Variants in FBXW8 observed in about 807,000 individuals in gnomAD.
FBXW8 encodes F-box and WD repeat domain containing 8.
In FBXW8, 57 loss-of-function variants were observed where a neutral mutation model predicts 65.3. The observed-to-expected ratio is 0.87, with a 90% CI of 0.71 to 1.09. The LOEUF (loss-of-function observed/expected upper bound fraction) is 1.09, where lower values mean the gene tolerates loss of function less well. Among genes scored for constraint, FBXW8 ranks in the 50% least tolerant of loss-of-function variants. FBXW8 has a pLI of 0.00. For synonymous variants in FBXW8, 308 were observed against 330.2 expected, an observed-to-expected ratio of 0.93 and a Z score of 0.73; for missense variants, 777 against 814.8, an observed-to-expected ratio of 0.95 and a Z score of 0.57.
chr12:116,995,254 TGAG>T (rs1230793804), intron 7 of FBXW8, among the ~76,000 whole-genome samples: 1 of 152,198 alleles, frequency 6.6e-6, no homozygotes, highest in Non-Finnish European at 1.5e-5. Context: ...GGGACCCATT[TGAG>T]GAAGAGCCCA....
At position 116,964,819 on chromosome 12, in the gene FBXW8, TA is replaced by T. The variant is rs770512533; in HGVS notation, c.803del (p.Asn268ThrfsTer6). The T allele has an allele frequency of 6.2e-7, 1 of 1,612,360 alleles. No homozygotes were observed. The highest frequency in any genetic ancestry group is 1.1e-5 in the South Asian group (1 of 90,944). Reference protein sequence around the residue: ...GMQPNVSFVRINSSLAVAAYE... With the variant: ...GMQPNVSFVRXNSSLAVAAYE... ...CAGCCAAATGTCTCCTTTGTGAGGA[TA>T]AACAGCTCGTTGGCAGTAGCAGCTT... On this transcript the variant is annotated frameshift_variant, in exon 5 of 11. Transcript: ENST00000652555. LOFTEE classifies it high-confidence loss of function.
chr12:117,026,177 T>C (rs887714629), intron 9 of FBXW8, among the ~76,000 whole-genome samples: 1 of 152,240 alleles, frequency 6.6e-6, no homozygotes, highest in African/African-American at 2.4e-5. Context: ...CCTGACAGGG[T>C]GCCGTCAGTC....
At chr12:116,996,265 G>A (rs1411541438) in intron 7 of FBXW8, among the ~76,000 whole-genome samples, 2 of 152,214 alleles carry the variant, frequency 1.3e-5, no homozygotes, top group African/African-American at 2.4e-5. Context: ...CTTGCTTGGC[G>A]CTGCTGCCTC....
Position 116,964,333 on chromosome 12 carries a change from G to A in FBXW8, c.678-364G>A, listed in dbSNP as rs541917607. On this transcript the variant is annotated intron_variant, in intron 4 of 10. Coordinates refer to ENST00000652555, the MANE Select transcript of FBXW8 (RefSeq NM_153348.3). ...CCTGTGAGTGAGTGTGTGCGTTTGT[G>A]GGTAAATAGTGGGGCTTATACAAAT... Among the ~76,000 whole-genome samples the A allele has an allele frequency of 7.9e-5, 12 of 152,352 alleles. No individual in the cohort carries two copies. The East Asian group carries it at 1.5e-3, about 20-fold the overall frequency.
At chr12:116,955,707 C>G (rs1422522324) in intron 4 of FBXW8, among the ~76,000 whole-genome samples, 1 of 152,168 alleles carries the variant, frequency 6.6e-6, no homozygotes, top group Non-Finnish European at 1.5e-5. Context: ...ATGGAAACAT[C>G]CCTGTTCTGT....
At chr12:116,958,349 T>A (rs1883782282) in intron 4 of FBXW8, among the ~76,000 whole-genome samples, 1 of 152,236 alleles carries the variant, frequency 6.6e-6, no homozygotes, top group African/African-American at 2.4e-5. Flanking sequence ...AGCAAAGAAA[T>A]ACCAAAGAAG....
At chr12:116,998,266 G>T (rs1953429507) in intron 7 of FBXW8, among the ~76,000 whole-genome samples, 1 of 152,196 alleles carries the variant, frequency 6.6e-6, no homozygotes, top group Non-Finnish European at 1.5e-5. Flanking sequence ...GAGAGGGCTG[G>T]CACCAAGTCT....
At chr12:116,993,513 T>G (rs1276151746) in intron 7 of FBXW8, among the ~76,000 whole-genome samples, 1 of 152,230 alleles carries the variant, frequency 6.6e-6, no homozygotes, top group African/African-American at 2.4e-5. Context: ...GTTTCTTACG[T>G]TTGTTGGCAA....
chr12:116,917,802 C>G (rs1358463029), intron 1 of FBXW8, among the ~76,000 whole-genome samples: 1 of 152,052 alleles, frequency 6.6e-6, no homozygotes, highest in Non-Finnish European at 1.5e-5. Flanking sequence ...ACCATCCTGG[C>G]TAAGACGGTG....
At chr12:117,025,252 G>T (rs1367450512) in intron 9 of FBXW8, among the ~76,000 whole-genome samples, 3 of 152,198 alleles carry the variant, frequency 2.0e-5, no homozygotes, top group Non-Finnish European at 2.9e-5. Context: ...GGAGACTGAG[G>T]AGCTCTCAAG....
chr12:116,966,808 G>A (rs1220558076), intron 5 of FBXW8, among the ~76,000 whole-genome samples: 1 of 151,782 alleles, frequency 6.6e-6, no homozygotes, highest in East Asian at 1.9e-4. Context: ...TCTGCCTCCC[G>A]GGTTCAAGTG....
intron 7 of FBXW8, among the ~76,000 whole-genome samples, chr12:116,996,188 C>T (rs1364843138): frequency 6.6e-6 from 1 of 152,170 alleles, no homozygotes; most frequent in Non-Finnish European, 1.5e-5. Context: ...CGGCACACGG[C>T]GTGCATCCTA....
chr12:117,013,886 CA>C, intron 8 of FBXW8, among the ~76,000 whole-genome samples: 1 of 151,112 alleles, frequency 6.6e-6, no homozygotes, highest in South Asian at 2.1e-4. Flanking sequence ...GAAAAGTCTG[CA>C]GGAAGTAATC....
At chr12:116,942,567 G>A (rs902324275) in intron 2 of FBXW8, among the ~76,000 whole-genome samples, 1 of 151,458 alleles carries the variant, frequency 6.6e-6, no homozygotes, top group Non-Finnish European at 1.5e-5. Flanking sequence ...GTCGAGATGG[G>A]GTTTCACCAT....
chr12:116,954,147 G>A (rs1314518413), intron 4 of FBXW8, among the ~76,000 whole-genome samples: 2 of 151,004 alleles, frequency 1.3e-5, no homozygotes, highest in Admixed American at 1.3e-4. Flanking sequence ...AAAAGCAGTG[G>A]TAAAAACCAT....
intron 1 of FBXW8, among the ~76,000 whole-genome samples, chr12:116,927,507 C>G (rs1013821370): frequency 6.6e-6 from 1 of 152,206 alleles, no homozygotes; most frequent in Non-Finnish European, 1.5e-5. Context: ...TAGCCCTGTT[C>G]TTTTCCCAGT....
At chr12:116,930,569 G>A (rs1462813347) in intron 2 of FBXW8, among the ~76,000 whole-genome samples, 1 of 151,938 alleles carries the variant, frequency 6.6e-6, no homozygotes, top group African/African-American at 2.4e-5. Context: ...TATATGGTTT[G>A]GAAATATTTT....
At chr12:116,984,810 TAGTG>T (rs1885550858) in intron 5 of FBXW8, among the ~76,000 whole-genome samples, 1 of 152,056 alleles carries the variant, frequency 6.6e-6, no homozygotes, top group South Asian at 2.1e-4. Flanking sequence ...CTGGGCAACA[TAGTG>T]AGACTGTGTC....
chr12:116,964,896 A>G, intron 5 of FBXW8, 42 bp downstream of exon 5: 2 of 1,533,206 alleles, frequency 1.3e-6, no homozygotes, highest in Non-Finnish European at 1.7e-6. Context: ...GAAAAAAAAA[A>G]GCTTTACAAA....
Sources: allele counts gnomAD v4.1 joint callset (sites outside exome capture counted in the v4.1 genomes callset), GRCh38; gene constraint gnomAD v4.1.1; transcripts MANE v1.5; gene names NCBI Gene and HGNC (gene_info 2026-07-23, HGNC 2026-07-21).